The following DNAH10 variants were observed in gnomAD, a reference collection of about 807,000 sequenced individuals.
DNAH10 encodes the protein dynein axonemal heavy chain 10, also known as axonemal beta dynein heavy chain 10.
In DNAH10, 348 loss-of-function variants were observed where a neutral mutation model predicts 506.6. The observed-to-expected ratio is 0.69, with a 90% CI of 0.63 to 0.75. The LOEUF (loss-of-function observed/expected upper bound fraction) is 0.75. Ranked by LOEUF, DNAH10 falls within the 30% of genes least tolerant of loss-of-function variation. The pLI is 0.00. For synonymous variants in DNAH10, 2,059 were observed against 2,198.6 expected (o/e 0.94, Z 1.78); for missense variants, 5,179 against 5,787.1 (o/e 0.89, Z 3.41).
chr12:123,813,659 T>A lies in DNAH10; in HGVS notation c.3621+19T>A, dbSNP rs779055011. The A allele has an allele frequency of 6.2e-7, 1 of 1,613,040 alleles. No individual in the cohort carries two copies. The highest frequency in any genetic ancestry group is 8.5e-7 in the Non-Finnish European group (1 of 1,179,484). ...GATGGAGGTACTCAATCGCTGTGTGTAATTGAAACTACTTTTCGTGTAAGT... is the reference window on the plus strand; with the variant it reads ...GATGGAGGTACTCAATCGCTGTGTGAAATTGAAACTACTTTTCGTGTAAGT... On this transcript the variant is annotated intron_variant, in intron 20 of 78. Transcript: ENST00000673944.
rs891718254 is a variant in DNAH10 at position 123,925,647 on chromosome 12, C to T, written c.11921+443C>T. ...GCCACATTTTAAGTGCTGTGCCTCA[C>T]GGCCATCGCACTGGACAATGTAGCT... On this transcript the variant is annotated intron_variant, in intron 68 of 78. Transcript: ENST00000673944. The surrounding 1 kb of genome is among the most constrained non-coding windows in gnomAD (Gnocchi z 4.0). The T allele has an allele frequency of 7.8e-5, 13 of 165,818 alleles. No individual in the cohort carries two copies. Among genetic ancestry groups the T allele is most frequent in the Non-Finnish European group, 1.6e-4 (12 of 76,626 alleles). 10.3% of individuals were successfully genotyped at this position (165,818 alleles called of 1,614,324 possible). A position where few individuals can be genotyped will look rare whatever the true frequency, so the allele number is the denominator to read the frequency against.
chr12:123,853,279 T>C lies in DNAH10; in HGVS notation c.6365T>C (p.Phe2122Ser). 1 of 1,611,780 alleles carries C rather than the reference T, an allele frequency of 6.2e-7. No individual in the cohort carries two copies. Among genetic ancestry groups the C allele is most frequent in the Non-Finnish European group, 8.5e-7 (1 of 1,178,954 alleles). ...CTGTCCAAGCAGTATCACTATGATT[T>C]TGGACTCAGAGCCCTGAAATCGGTG... is the stretch of plus-strand genomic sequence containing the variant. ...EQLSKQYHYDFGLRALKSVLV... is the reference protein window; with the variant it reads ...EQLSKQYHYDSGLRALKSVLV... The change falls in exon 36 of 79, where the codon TTT becomes TCT. Residue 2122 changes from phenylalanine to serine, a missense_variant. Phe to Ser is a radical substitution (Grantham distance 155, BLOSUM62 -2). Around this residue, in one of 3 missense-constraint regions of DNAH10, gnomAD observed 4,844 missense variants for 5,430.5 expected, o/e 0.89. Coordinates refer to ENST00000673944, the MANE Select transcript of DNAH10 (RefSeq NM_001372106.1). The surrounding 1 kb of genome is among the most constrained non-coding windows in gnomAD (Gnocchi z 4.7).
intron 24 of DNAH10, among the ~76,000 whole-genome samples, chr12:123,823,814 C>A (rs769288435): frequency 2.0e-5 from 3 of 152,078 alleles, no homozygotes; most frequent in Non-Finnish European, 2.9e-5. Flanking sequence ...ACTATAGTCA[C>A]CCTGCCATGC....
chr12:123,794,170 C>A, intron 12 of DNAH10, 58 bp downstream of exon 12: 1 of 1,046,946 alleles, frequency 9.6e-7, no homozygotes, highest in Non-Finnish European at 1.2e-6. Flanking sequence ...AAAATGTGAA[C>A]AATTGAATCC....
intron 24 of DNAH10, among the ~76,000 whole-genome samples, chr12:123,824,462 C>A (rs1959753745): frequency 6.6e-6 from 1 of 152,108 alleles, no homozygotes; most frequent in Admixed American, 6.5e-5. Flanking sequence ...GGTACTGAGC[C>A]ACCAGTTCAG....
chr12:123,841,546 G>A lies in DNAH10; in HGVS notation c.5360+1G>A. The A allele has an allele frequency of 1.9e-6, 3 of 1,613,172 alleles. No homozygotes were observed. Among genetic ancestry groups the A allele is most frequent in the African/African-American group, 1.3e-5 (1 of 75,040 alleles). The stretch of plus-strand genomic sequence containing the variant: ...TTAGATACTGTGAAGACAGAAGCAG[G>A]TAAGGCTGCGAATGTGGACATGCAT... On this transcript the variant is annotated splice_donor_variant, in intron 30 of 78. Transcript: ENST00000673944. LOFTEE classifies it high-confidence loss of function.
Position 123,928,363 on chromosome 12 carries a change from C to T in DNAH10, c.12106-24C>T. ...GTTGGGTTTGGATGCCAACCCCTCTCCTCTTCCCTCTCCCCCGGCGCAGGT... is the reference window on the plus strand; with the variant it reads ...GTTGGGTTTGGATGCCAACCCCTCTTCTCTTCCCTCTCCCCCGGCGCAGGT... On this transcript the variant is annotated intron_variant, in intron 69 of 78. Transcript: ENST00000673944. The surrounding 1 kb of genome is among the most constrained non-coding windows in gnomAD (Gnocchi z 4.9). 6.4e-7 allele frequency: 1 copy of T among 1,562,836 alleles called. No homozygotes were observed. The highest frequency in any genetic ancestry group is 8.7e-7 in the Non-Finnish European group (1 of 1,154,512).
intron 27 of DNAH10, 70 bp from the exon 28 acceptor site, chr12:123,835,336 G>A: frequency 6.4e-7 from 1 of 1,555,728 alleles, no homozygotes; most frequent in Admixed American, 1.9e-5. Flanking sequence ...ATGTCAGGAT[G>A]GGGCTTTGCC....
intron 21 of DNAH10, among the ~76,000 whole-genome samples, chr12:123,814,744 A>G (rs1471228576): frequency 6.6e-6 from 1 of 151,064 alleles, no homozygotes; most frequent in Admixed American, 6.6e-5. Context: ...CCTCCCGAGT[A>G]CCTGGGACTA....
chr12:123,898,796 G>A lies in DNAH10; in HGVS notation c.9622G>A (p.Ala3208Thr), dbSNP rs755170340. The A allele has an allele frequency of 5.0e-6, 8 of 1,610,438 alleles. No individual in the cohort carries two copies. Among genetic ancestry groups the A allele is most frequent in the Admixed American group, 1.7e-5 (1 of 59,682 alleles). Residue 3208 changes from alanine to threonine, a missense_variant, in exon 56 of 79, where the codon GCC (alanine) becomes ACC (threonine). Around this residue, in one of 3 missense-constraint regions of DNAH10, gnomAD observed 4,844 missense variants for 5,430.5 expected, o/e 0.89. Coordinates refer to ENST00000673944, the MANE Select transcript of DNAH10 (RefSeq NM_001372106.1). Reference sequence around the variant, plus strand: ...CTGCGAGGCCTTGCTGGAGGAGATCGCCGTCAACACCGCTGTAGGTGAGTG... The same window carrying A: ...CTGCGAGGCCTTGCTGGAGGAGATCACCGTCAACACCGCTGTAGGTGAGTG... Reference protein sequence around the residue: ...AACEALLEEIAVNTAVAEEKK... With the variant: ...AACEALLEEITVNTAVAEEKK...
intron 77 of DNAH10, chr12:123,934,122 G>T: frequency 1.6e-6 from 1 of 630,748 alleles, no homozygotes; most frequent in Middle Eastern, 2.5e-4. Context: ...AGGTGTCCGG[G>T]CCACCACTCT....
intron 6 of DNAH10, among the ~76,000 whole-genome samples, chr12:123,782,207 T>G (rs1957679946): frequency 6.6e-6 from 1 of 152,034 alleles, no homozygotes; most frequent in Non-Finnish European, 1.5e-5. Flanking sequence ...AGACCTCTGA[T>G]TCTCTGATTG....
At chr12:123,790,750 A>G (rs530235846) in intron 11 of DNAH10, among the ~76,000 whole-genome samples, 113 of 152,184 alleles carry the variant, frequency 7.4e-4, no homozygotes, top group Admixed American at 1.3e-3. Flanking sequence ...GTGATGAACA[A>G]AGAGGACAGG....
chr12:123,767,025 C>T (rs1019924570), intron 1 of DNAH10, among the ~76,000 whole-genome samples: 3 of 151,742 alleles, frequency 2.0e-5, no homozygotes, highest in Non-Finnish European at 4.4e-5. Context: ...CCTGCATCAG[C>T]CTCCCAAGTA....
At chr12:123,845,063 G>A (rs1483619218) in intron 30 of DNAH10, among the ~76,000 whole-genome samples, 1 of 152,188 alleles carries the variant, frequency 6.6e-6, no homozygotes, top group Non-Finnish European at 1.5e-5. Flanking sequence ...TCAGGTTGGA[G>A]TACAGTGCAC....
chr12:123,910,587 A>T lies in DNAH10; in HGVS notation c.10049A>T (p.Lys3350Ile), dbSNP rs779279026. Reference sequence around the variant, plus strand: ...ACTGAAGAAATGGAAGCTGTCAGCAAAGCCGGGCTGGGGATGCTGAAATTT... The same window carrying T: ...ACTGAAGAAATGGAAGCTGTCAGCATAGCCGGGCTGGGGATGCTGAAATTT... The part of the protein sequence containing the change: ...TTTEEMEAVS[K>I]AGLGMLKFVE... The change falls in exon 59 of 79, where the codon AAA becomes ATA. Residue 3350 changes from lysine (K) to isoleucine (I), a missense_variant. Physicochemically the swap from Lys to Ile is moderately radical, Grantham distance 102. This residue lies in a region of DNAH10 where 4,844 missense variants were observed against 5,430.5 expected (regional missense o/e 0.89). Coordinates refer to ENST00000673944, the MANE Select transcript of DNAH10 (RefSeq NM_001372106.1). 1.2e-6 allele frequency: 2 copies of T among 1,613,752 alleles called. No homozygotes were observed. Among genetic ancestry groups the T allele is most frequent in the East Asian group, 4.5e-5 (2 of 44,884 alleles).
At chr12:123,804,198 G>A in intron 17 of DNAH10, among the ~76,000 whole-genome samples, 1 of 151,764 alleles carries the variant, frequency 6.6e-6, no homozygotes, top group East Asian at 1.9e-4. Context: ...AAAGCTAGTT[G>A]TATTTTTTAT....
chr12:123,837,623 C>T (rs1053858753), intron 28 of DNAH10, among the ~76,000 whole-genome samples: 2 of 150,602 alleles, frequency 1.3e-5, no homozygotes, highest in Non-Finnish European at 3.0e-5. Context: ...GTTGCCCAAG[C>T]TGGAGTGCAG....
At chr12:123,796,076 G>C (rs1223041881) in intron 12 of DNAH10, among the ~76,000 whole-genome samples, 7 of 152,132 alleles carry the variant, frequency 4.6e-5, no homozygotes, top group Non-Finnish European at 7.3e-5. Context: ...CAGATTTCCG[G>C]ATTTCTGATA....
Sources: allele counts gnomAD v4.1 joint callset (sites outside exome capture counted in the v4.1 genomes callset), GRCh38; gene constraint gnomAD v4.1.1; regional missense constraint gnomAD v4.1.1; non-coding constraint Gnocchi (gnomAD v3.1); transcripts MANE v1.5; gene names NCBI Gene and HGNC (gene_info 2026-07-23, HGNC 2026-07-21).